Variants in CTNNA3 observed in about 807,000 individuals in gnomAD.
CTNNA3 encodes the protein catenin alpha-3.
Under a neutral mutation model 95.7 loss-of-function variants are expected in CTNNA3, and 76 were observed. The observed-to-expected ratio is 0.79, with a 90% CI of 0.66 to 0.96. The LOEUF is 0.96. Ranked by LOEUF, CTNNA3 falls within the 40% of genes least tolerant of loss-of-function variation. The probability of loss-of-function intolerance (pLI) is 0.00; values close to 1 mark genes in which losing one functional copy is unlikely to be tolerated. For synonymous variants in CTNNA3, 431 were observed against 374.4 expected (o/e 1.15, Z -1.74); for missense variants, 1,191 against 1,089.8 (o/e 1.09, Z -1.31).
chr10:67,518,656 G>A (rs189517423), intron 5 of CTNNA3, among the ~76,000 whole-genome samples: 1 of 152,138 alleles, frequency 6.6e-6, no homozygotes, highest in Admixed American at 6.6e-5. Flanking sequence ...TTTAAGGGTA[G>A]ATAAAGAGAG....
chr10:65,951,765 T>C (rs917895837), intron 17 of CTNNA3, among the ~76,000 whole-genome samples: 6 of 151,948 alleles, frequency 3.9e-5, no homozygotes, highest in African/African-American at 7.3e-5. Context: ...CGCGGTGGCT[T>C]ACGCCTGTAA....
intron 7 of CTNNA3, among the ~76,000 whole-genome samples, chr10:67,158,067 C>T (rs910623959): frequency 2.6e-5 from 4 of 151,966 alleles, no homozygotes; most frequent in Non-Finnish European, 2.9e-5. Context: ...CTGCCCCCAC[C>T]GGGTTATACT....
At chr10:67,207,523 G>A (rs1358729679) in intron 6 of CTNNA3, among the ~76,000 whole-genome samples, 2 of 152,112 alleles carry the variant, frequency 1.3e-5, no homozygotes, top group African/African-American at 2.4e-5. Flanking sequence ...GAACCTCTGT[G>A]GGAATTGTAA....
chr10:66,076,136 TA>T (rs2080553591), intron 14 of CTNNA3, among the ~76,000 whole-genome samples: 1 of 151,680 alleles, frequency 6.6e-6, no homozygotes, highest in African/African-American at 2.4e-5. Context: ...AATAGTTCTC[TA>T]ATGATAACTC....
intron 5 of CTNNA3, among the ~76,000 whole-genome samples, chr10:67,242,335 G>T (rs1865746870): frequency 6.6e-6 from 1 of 152,146 alleles, no homozygotes; most frequent in African/African-American, 2.4e-5. Flanking sequence ...TTTGATAAAG[G>T]AAACATTCTA....
At chr10:66,311,958 T>C (rs2092027276) in intron 12 of CTNNA3, among the ~76,000 whole-genome samples, 1 of 152,130 alleles carries the variant, frequency 6.6e-6, no homozygotes, top group Non-Finnish European at 1.5e-5. Context: ...TAATAGAAGG[T>C]AAAGTATAGC....
At chr10:65,946,074 T>A (rs2077512192) in intron 17 of CTNNA3, among the ~76,000 whole-genome samples, 1 of 152,202 alleles carries the variant, frequency 6.6e-6, no homozygotes, top group South Asian at 2.1e-4. Flanking sequence ...TGGCTCTGCC[T>A]CTTAATAGCT....
Position 66,052,690 on chromosome 10 carries a change from A to T in CTNNA3, c.2159+16618T>A, listed in dbSNP as rs183883405. ...ACAATCTGAAGACCAAACAAAGGAC[A>T]AAAAAAGTCTGTGGTAGGATTGAGG... On this transcript the variant is annotated intron_variant, in intron 15 of 17. Coordinates refer to ENST00000433211, the MANE Select transcript of CTNNA3 (RefSeq NM_013266.4). Among the ~76,000 whole-genome samples the T allele has an allele frequency of 2.5e-3, 387 of 152,210 alleles. 5 individuals are homozygous for T. The highest frequency in any genetic ancestry group is 9.0e-3 in the African/African-American group (374 of 41,546).
chr10:67,113,104 T>C (rs1564899355), intron 7 of CTNNA3, among the ~76,000 whole-genome samples: 1 of 152,198 alleles, frequency 6.6e-6, no homozygotes, highest in African/African-American at 2.4e-5. Context: ...AAATACTTTT[T>C]ATATACTTTT....
intron 6 of CTNNA3, among the ~76,000 whole-genome samples, chr10:67,191,408 C>T (rs1009658904): frequency 6.6e-6 from 1 of 151,886 alleles, no homozygotes. Context: ...AATAAAGTTG[C>T]AGGATACAAA....
intron 17 of CTNNA3, among the ~76,000 whole-genome samples, chr10:65,963,775 T>A (rs1047486335): frequency 6.6e-6 from 1 of 152,332 alleles, no homozygotes; most frequent in Non-Finnish European, 1.5e-5. Context: ...AGGTAAAACA[T>A]GCAACTTCAA....
At chr10:66,574,453 A>G (rs535742547) in intron 10 of CTNNA3, among the ~76,000 whole-genome samples, 26 of 152,226 alleles carry the variant, frequency 1.7e-4, no homozygotes, top group African/African-American at 5.5e-4. Context: ...AAAAGCAAAA[A>G]TAAGATAATT....
Position 67,723,598 on chromosome 10 carries a change from T to G in CTNNA3, c.-2+39836A>C, listed in dbSNP as rs147839418. ...CATAAGCCACCATGCCCGGCATCTT[T>G]CAATTCTTTGATAAACAATTTAATC... On this transcript the variant is annotated intron_variant, in intron 1 of 17. Transcript: ENST00000684154. Among the ~76,000 whole-genome samples the G allele has an allele frequency of 1.6e-3, 250 of 152,288 alleles. 2 individuals carry two copies. Among genetic ancestry groups the G allele is most frequent in the African/African-American group, 5.6e-3 (234 of 41,566 alleles).
chr10:66,693,517 C>G (rs545739399), intron 9 of CTNNA3, among the ~76,000 whole-genome samples: 588 of 151,678 alleles, frequency 3.9e-3, no homozygotes, highest in Middle Eastern at 6.8e-3. Context: ...TAATGAGAGA[C>G]TTTAACACCC....
At chr10:67,572,417 A>G (rs1455235471) in intron 3 of CTNNA3, among the ~76,000 whole-genome samples, 1 of 152,148 alleles carries the variant, frequency 6.6e-6, no homozygotes, top group East Asian at 1.9e-4. Context: ...TCAGCCAGTC[A>G]TTGGTTGATC....
At chr10:67,592,170 C>A (rs1842810665) in intron 3 of CTNNA3, among the ~76,000 whole-genome samples, 1 of 152,134 alleles carries the variant, frequency 6.6e-6, no homozygotes, top group African/African-American at 2.4e-5. Flanking sequence ...ATAAAAACCC[C>A]AGACTCAGCC....
intron 2 of CTNNA3, among the ~76,000 whole-genome samples, chr10:67,607,509 G>T (rs897158383): frequency 8.5e-5 from 13 of 152,136 alleles, no homozygotes; most frequent in Non-Finnish European, 1.6e-4. Flanking sequence ...TGCCTTGGGG[G>T]TGTAAGAGGC....
At chr10:66,752,926 T>A (rs1839210086) in intron 9 of CTNNA3, among the ~76,000 whole-genome samples, 1 of 152,120 alleles carries the variant, frequency 6.6e-6, no homozygotes, top group African/African-American at 2.4e-5. Context: ...GACTCCTGAC[T>A]AACCCTAAGT....
chr10:66,081,441 A>G (rs1266075932), intron 14 of CTNNA3, among the ~76,000 whole-genome samples: 1 of 152,126 alleles, frequency 6.6e-6, no homozygotes, highest in Non-Finnish European at 1.5e-5. Flanking sequence ...GCAAGACCCC[A>G]TCTGTAATAA....
Sources: allele counts gnomAD v4.1 joint callset (sites outside exome capture counted in the v4.1 genomes callset), GRCh38; gene constraint gnomAD v4.1.1; transcripts MANE v1.5; gene names NCBI Gene and HGNC (gene_info 2026-07-23, HGNC 2026-07-21).